ZNRF2: variants seen among roughly 807,000 people sequenced by gnomAD.
ZNRF2 encodes the protein zinc and ring finger 2, also known as E3 ubiquitin-protein ligase ZNRF2.
In ZNRF2, 16 loss-of-function variants were observed where a neutral mutation model predicts 20.4. The ratio of observed to expected loss-of-function variants is 0.79; its 90% CI spans 0.53 to 1.19. The LOEUF is 1.19. Among genes scored for constraint, ZNRF2 ranks in the 50% most tolerant of loss-of-function variants. ZNRF2 has a pLI of 0.00. For missense variants in ZNRF2, 363 were observed against 332.4 expected (o/e 1.09, Z -0.72); for synonymous variants, 178 against 144.9 (o/e 1.23, Z -1.64).
intron 1 of ZNRF2, among the ~76,000 whole-genome samples, chr7:30,303,389 TCAAA>T (rs1252808908): frequency 6.6e-6 from 1 of 152,240 alleles, no homozygotes; most frequent in Non-Finnish European, 1.5e-5. Context: ...GTTTTATGGC[TCAAA>T]CAAACTTTTG....
rs572309562 is a variant in ZNRF2 at position 30,305,391 on chromosome 7, A to G, written c.470-18251A>G. ...ATAGGTAACTATACTAGTTTTACTCATGTTTTAAAAGATATCTTAAGCTTC... is the reference window on the plus strand; with the variant it reads ...ATAGGTAACTATACTAGTTTTACTCGTGTTTTAAAAGATATCTTAAGCTTC... On this transcript the variant is annotated intron_variant, in intron 1 of 4. Coordinates refer to ENST00000323037, the MANE Select transcript of ZNRF2 (RefSeq NM_147128.4). 2.0e-5 allele frequency among the ~76,000 whole-genome samples: 3 copies of G among 152,292 alleles called. No individual in the cohort carries two copies. In the South Asian group the frequency reaches 6.2e-4, roughly 32 times the overall value.
intron 3 of ZNRF2, among the ~76,000 whole-genome samples, chr7:30,361,360 G>C (rs542813095): frequency 1.2e-4 from 18 of 152,098 alleles, no homozygotes; most frequent in African/African-American, 4.3e-4. Flanking sequence ...TTTCTTTTTA[G>C]TTTCATCTTA....
At chr7:30,294,669 G>C (rs1269770333) in intron 1 of ZNRF2, among the ~76,000 whole-genome samples, 3 of 151,968 alleles carry the variant, frequency 2.0e-5, no homozygotes. Context: ...CGTAATCCCA[G>C]CTTACTAGGG....
chr7:30,326,379 C>T (rs1047697617), intron 2 of ZNRF2, among the ~76,000 whole-genome samples: 2 of 152,136 alleles, frequency 1.3e-5, no homozygotes, highest in Non-Finnish European at 2.9e-5. Context: ...CAAGTGAGAA[C>T]GTGCGGAATT....
chr7:30,306,777 T>G (rs1259361800), intron 1 of ZNRF2, among the ~76,000 whole-genome samples: 1 of 152,086 alleles, frequency 6.6e-6, no homozygotes, highest in African/African-American at 2.4e-5. Flanking sequence ...CCTTCCCAAG[T>G]CCACTTTTTG....
chr7:30,299,199 A>G (rs1799067920), intron 1 of ZNRF2, among the ~76,000 whole-genome samples: 1 of 152,108 alleles, frequency 6.6e-6, no homozygotes, highest in Non-Finnish European at 1.5e-5. Flanking sequence ...AGTCTGAGGC[A>G]GGTGGATCAC....
chr7:30,345,494 A>T (rs1383592216), intron 2 of ZNRF2, among the ~76,000 whole-genome samples: 6 of 151,702 alleles, frequency 4.0e-5, no homozygotes, highest in Admixed American at 3.9e-4. Flanking sequence ...CAGAACCTAC[A>T]CATTTGTATT....
intron 2 of ZNRF2, among the ~76,000 whole-genome samples, chr7:30,344,987 A>C (rs1799854915): frequency 2.0e-5 from 3 of 152,136 alleles, no homozygotes; most frequent in Non-Finnish European, 4.4e-5. Flanking sequence ...AAATTGACTT[A>C]GTCTTTTTGC....
At chr7:30,358,136 A>G (rs969098931) in intron 3 of ZNRF2, among the ~76,000 whole-genome samples, 1 of 152,324 alleles carries the variant, frequency 6.6e-6, no homozygotes, top group South Asian at 2.1e-4. Flanking sequence ...GTAAAATTCT[A>G]TCCTTGCATA....
chr7:30,348,523 T>G (rs1475650315), intron 2 of ZNRF2, among the ~76,000 whole-genome samples: 3 of 152,200 alleles, frequency 2.0e-5, no homozygotes, highest in African/African-American at 7.2e-5. Flanking sequence ...TTTATTTTGC[T>G]TACACAGCAT....
chr7:30,297,199 T>C (rs1233921129), intron 1 of ZNRF2, among the ~76,000 whole-genome samples: 1 of 152,260 alleles, frequency 6.6e-6, no homozygotes, highest in African/African-American at 2.4e-5. Flanking sequence ...ATTCATATGA[T>C]GAGTATTGCC....
chr7:30,358,988 A>G (rs1800082207), intron 3 of ZNRF2, among the ~76,000 whole-genome samples: 1 of 152,234 alleles, frequency 6.6e-6, no homozygotes, highest in South Asian at 2.1e-4. Flanking sequence ...AATGTTGAAT[A>G]AATGAAAAAA....
chr7:30,321,507 C>CAT (rs1648075088), intron 1 of ZNRF2, among the ~76,000 whole-genome samples: 1 of 151,808 alleles, frequency 6.6e-6, no homozygotes, highest in African/African-American at 2.4e-5. Context: ...GAGAGAGAAA[C>CAT]ATGTGTTTAA....
chr7:30,311,121 A>G (rs1204972711), intron 1 of ZNRF2, among the ~76,000 whole-genome samples: 1 of 152,064 alleles, frequency 6.6e-6, no homozygotes, highest in African/African-American at 2.4e-5. Context: ...GCTGTATGTA[A>G]GCCTCCAGTA....
At chr7:30,332,310 C>T (rs945571761) in intron 2 of ZNRF2, among the ~76,000 whole-genome samples, 5 of 152,142 alleles carry the variant, frequency 3.3e-5, no homozygotes, top group African/African-American at 1.2e-4. Flanking sequence ...GTTGCTATTA[C>T]TAAGAAATAT....
At chr7:30,322,876 A>G (rs568270842) in intron 1 of ZNRF2, among the ~76,000 whole-genome samples, 2 of 152,278 alleles carry the variant, frequency 1.3e-5, no homozygotes, top group Non-Finnish European at 2.9e-5. Context: ...CACCTTGGTA[A>G]GTGAGGGGGC....
intron 1 of ZNRF2, among the ~76,000 whole-genome samples, chr7:30,320,023 ACTAC>A (rs1799442575): frequency 6.6e-6 from 1 of 152,160 alleles, no homozygotes; most frequent in East Asian, 1.9e-4. Context: ...GCATGTGTGT[ACTAC>A]CTGTGTGTCC....
At chr7:30,360,472 G>A (rs1800108597) in intron 3 of ZNRF2, among the ~76,000 whole-genome samples, 1 of 152,078 alleles carries the variant, frequency 6.6e-6, no homozygotes. Flanking sequence ...GAGGTGGGTG[G>A]ATCACCTGAG....
chr7:30,300,204 A>G (rs1033601492), intron 1 of ZNRF2, among the ~76,000 whole-genome samples: 24 of 140,164 alleles, frequency 1.7e-4, no homozygotes, highest in African/African-American at 5.4e-4. Flanking sequence ...GCTGGAGTGC[A>G]GTGGCACAAT....
Sources: allele counts gnomAD v4.1 joint callset (sites outside exome capture counted in the v4.1 genomes callset), GRCh38; gene constraint gnomAD v4.1.1; transcripts MANE v1.5; gene names NCBI Gene and HGNC (gene_info 2026-07-23, HGNC 2026-07-21).